The following NT5C3A variants were observed in gnomAD, a reference collection of about 807,000 sequenced individuals.
NT5C3A encodes the protein cytosolic 5'-nucleotidase 3A.
In NT5C3A, 23 loss-of-function variants were observed where a neutral mutation model predicts 40.0. The observed-to-expected ratio is 0.58, with a 90% CI of 0.41 to 0.81. The LOEUF (loss-of-function observed/expected upper bound fraction) is 0.81. Ranked by LOEUF, NT5C3A falls within the 40% of genes least tolerant of loss-of-function variation. The pLI is 0.00. For missense variants in NT5C3A, 328 were observed against 403.0 expected (o/e 0.81, Z 1.59); for synonymous variants, 130 against 141.4 (o/e 0.92, Z 0.57).
At chr7:33,050,665 A>C (rs990882877) in intron 1 of NT5C3A, among the ~76,000 whole-genome samples, 3 of 152,252 alleles carry the variant, frequency 2.0e-5, no homozygotes, top group African/African-American at 7.2e-5. Flanking sequence ...AAACAAATGA[A>C]GCAACTCTTT....
intron 1 of NT5C3A, chr7:33,029,384 G>A: frequency 3.1e-6 from 1 of 326,112 alleles, no homozygotes; most frequent in South Asian, 2.5e-5. Flanking sequence ...GAGTTTTAGG[G>A]ACCACTGCTG....
At chr7:33,047,967 G>A (rs1299433613) in intron 1 of NT5C3A, among the ~76,000 whole-genome samples, 1 of 150,890 alleles carries the variant, frequency 6.6e-6, no homozygotes, top group Non-Finnish European at 1.5e-5. Context: ...CTATAGGCAT[G>A]TGCCACCACA....
At chr7:33,050,154 C>G (rs1010884679) in intron 1 of NT5C3A, among the ~76,000 whole-genome samples, 2 of 152,050 alleles carry the variant, frequency 1.3e-5, no homozygotes, top group Non-Finnish European at 1.5e-5. Context: ...GTAACTACAG[C>G]TAGACTGTGT....
intron 4 of NT5C3A, among the ~76,000 whole-genome samples, 198 bp from the exon 5 acceptor site, chr7:33,021,555 G>A (rs1785631890): frequency 6.6e-6 from 1 of 152,110 alleles, no homozygotes; most frequent in South Asian, 2.1e-4. Context: ...CCTTTCTTTT[G>A]TAAAGTACTT....
intron 1 of NT5C3A, among the ~76,000 whole-genome samples, chr7:33,033,423 T>G (rs549427662): frequency 6.6e-6 from 1 of 152,210 alleles, no homozygotes; most frequent in Admixed American, 6.5e-5. Flanking sequence ...ATTAAGATAG[T>G]GTAGGCCAAA....
chr7:33,055,261 G>T (rs1424516935), intron 1 of NT5C3A, among the ~76,000 whole-genome samples: 6 of 151,864 alleles, frequency 4.0e-5, no homozygotes, highest in Non-Finnish European at 8.8e-5. Flanking sequence ...GGAGGCAGAG[G>T]TTGCAGTGAG....
chr7:33,051,376 G>A (rs1465183136), intron 1 of NT5C3A, among the ~76,000 whole-genome samples: 2 of 151,886 alleles, frequency 1.3e-5, no homozygotes, highest in Admixed American at 6.6e-5. Context: ...GTTGGTCAGG[G>A]TGGTCTCGAA....
At chr7:33,041,085 A>C in intron 1 of NT5C3A, 1 of 983,334 alleles carries the variant, frequency 1.0e-6, no homozygotes, top group South Asian at 4.7e-5. Context: ...TCTACATAAC[A>C]TTATCAATTG....
chr7:33,026,276 G>C (rs1403847862), intron 2 of NT5C3A, among the ~76,000 whole-genome samples: 1 of 146,392 alleles, frequency 6.8e-6, no homozygotes, highest in East Asian at 2.0e-4. Context: ...CTGAACCCAG[G>C]AGGAGCAGGT....
At chr7:33,034,545 A>G (rs988468157) in intron 1 of NT5C3A, among the ~76,000 whole-genome samples, 3 of 152,218 alleles carry the variant, frequency 2.0e-5, no homozygotes, top group African/African-American at 7.2e-5. Context: ...CAATCCTTCA[A>G]TGGATAGAAA....
At chr7:33,028,593 T>C (rs976821773) in intron 1 of NT5C3A, among the ~76,000 whole-genome samples, 2 of 152,238 alleles carry the variant, frequency 1.3e-5, no homozygotes, top group African/African-American at 2.4e-5. Context: ...AGTTCATGTG[T>C]GTCATGGACA....
At chr7:33,034,660 C>T (rs543346727) in intron 1 of NT5C3A, among the ~76,000 whole-genome samples, 16 of 152,282 alleles carry the variant, frequency 1.1e-4, no homozygotes, top group African/African-American at 3.1e-4. Context: ...ACTAAACTGA[C>T]GATGACTTAA....
chr7:33,017,229 T>C (rs1583891383), intron 7 of NT5C3A: 7 of 556,922 alleles, frequency 1.3e-5, no homozygotes, highest in East Asian at 8.7e-5. Context: ...TTATTATTAG[T>C]CTATAGCTTG....
intron 2 of NT5C3A, among the ~76,000 whole-genome samples, chr7:33,024,673 A>G (rs1228357966): frequency 1.3e-5 from 2 of 152,212 alleles, no homozygotes; most frequent in African/African-American, 4.8e-5. Flanking sequence ...TTTATTGTAT[A>G]TTTCAAAACA....
At chr7:33,047,464 T>G (rs1349721304) in intron 1 of NT5C3A, among the ~76,000 whole-genome samples, 1 of 152,190 alleles carries the variant, frequency 6.6e-6, no homozygotes, top group Non-Finnish European at 1.5e-5. Context: ...TGAAATCATA[T>G]GAAGGACTGG....
chr7:33,035,171 G>A (rs369553863), intron 1 of NT5C3A, among the ~76,000 whole-genome samples: 2 of 148,260 alleles, frequency 1.3e-5, no homozygotes, highest in South Asian at 4.3e-4. Flanking sequence ...CAGGGCTATA[G>A]AAGCTAATAA....
chr7:33,016,311 T>C (rs557682217), intron 7 of NT5C3A, among the ~76,000 whole-genome samples: 38 of 139,418 alleles, frequency 2.7e-4, no homozygotes, highest in Admixed American at 6.5e-4. Context: ...GAGGTGGAGG[T>C]TGCAGTGAGC....
chr7:33,017,547 GAAC>G lies in NT5C3A; in HGVS notation c.582_584del (p.Phe195del), dbSNP rs1227859962. On this transcript the variant is annotated inframe_deletion, in exon 7 of 9. Coordinates refer to ENST00000610140, the MANE Select transcript of NT5C3A (RefSeq NM_001002010.5). ...CATCGCCGATTCCAGCCGAAAATAT[GAAC>G]ACGGGGATGCTATGTTGTTGGAGCT... 6 of 1,613,642 alleles carry G rather than the reference GAAC, an allele frequency of 3.7e-6. No homozygotes were observed. The highest frequency in any genetic ancestry group is 5.1e-6 in the Non-Finnish European group (6 of 1,179,674).
intron 4 of NT5C3A, chr7:33,021,698 C>T (rs113210094): frequency 2.8e-5 from 11 of 394,620 alleles, no homozygotes; most frequent in African/African-American, 8.2e-5. Flanking sequence ...CATACTCAAG[C>T]GAAGTACTGA....
Sources: gnomAD v4.1 joint callset for allele counts (sites outside exome capture counted in the v4.1 genomes callset) on GRCh38, gnomAD v4.1.1 for gene constraint, MANE v1.5 for transcripts, NCBI Gene and HGNC (gene_info 2026-07-23, HGNC 2026-07-21) for gene names.